Variants in TM4SF20 observed in about 807,000 individuals in gnomAD.
The protein encoded by TM4SF20 is transmembrane 4 L6 family member 20.
A neutral mutation model predicts 15.1 loss-of-function variants in TM4SF20; 13 were observed. The ratio of observed to expected loss-of-function variants is 0.86; its 90% CI spans 0.56 to 1.36. TM4SF20 has a LOEUF of 1.36. Among genes scored for constraint, TM4SF20 ranks in the 40% most tolerant of loss-of-function variants. The pLI, the probability that TM4SF20 is intolerant of heterozygous loss-of-function variation, is 0.00. For missense variants in TM4SF20, 282 were observed against 268.4 expected (o/e 1.05, Z -0.35); for synonymous variants, 92 against 96.6 (o/e 0.95, Z 0.28).
At chr2:227,379,590 T>C (rs1434318871), upstream of TM4SF20, among the ~76,000 whole-genome samples, 2 of 152,214 alleles carry the variant, frequency 1.3e-5, no homozygotes, top group African/African-American at 2.4e-5. Context: ...AACAAAAATA[T>C]CCAGCTAAAC....
At chr2:227,368,668 A>G (rs1196406696) in intron 2 of TM4SF20, among the ~76,000 whole-genome samples, 1 of 152,162 alleles carries the variant, frequency 6.6e-6, no homozygotes, top group South Asian at 2.1e-4. Flanking sequence ...ACCCAGCCAT[A>G]TTATCTTTGA....
chr2:227,377,604 C>A lies in TM4SF20; in HGVS notation c.183+1482G>T, dbSNP rs114085817. Among the ~76,000 whole-genome samples, 757 of 152,256 alleles carry A rather than the reference C, an allele frequency of 5.0e-3. 6 individuals carry two copies. Among genetic ancestry groups the A allele is most frequent in the African/African-American group, 0.017 (716 of 41,540 alleles). On this transcript the variant is annotated intron_variant, in intron 1 of 3. Coordinates refer to ENST00000304568, the MANE Select transcript of TM4SF20 (RefSeq NM_024795.4). Reference sequence around the variant, plus strand: ...CAGAATCAGTGATTCAAGTAGAAAACTATGTCCTGAATTTCTTTAAAAATC... The same window carrying A: ...CAGAATCAGTGATTCAAGTAGAAAAATATGTCCTGAATTTCTTTAAAAATC...
intron 1 of TM4SF20, among the ~76,000 whole-genome samples, chr2:227,377,833 G>A (rs1276489537): frequency 6.6e-6 from 1 of 152,112 alleles, no homozygotes; most frequent in East Asian, 1.9e-4. Context: ...GGTGGAGAGT[G>A]GAGGGTGGGA....
intron 3 of TM4SF20, among the ~76,000 whole-genome samples, chr2:227,364,575 T>C (rs2076381704): frequency 6.6e-6 from 1 of 152,220 alleles, no homozygotes; most frequent in South Asian, 2.1e-4. Context: ...GATTTTTTGT[T>C]TGTTTACTGT....
At chr2:227,370,608 A>G (rs987272310) in intron 2 of TM4SF20, among the ~76,000 whole-genome samples, 4 of 152,070 alleles carry the variant, frequency 2.6e-5, no homozygotes, top group Admixed American at 2.6e-4. Context: ...AAATACAAAA[A>G]TTAGCTGGGC....
At chr2:227,365,835 CA>C (rs2076390015) in intron 3 of TM4SF20, among the ~76,000 whole-genome samples, 1 of 152,046 alleles carries the variant, frequency 6.6e-6, no homozygotes. Context: ...TTTTGAAAGA[CA>C]AGCATAAGCC....
upstream of TM4SF20, among the ~76,000 whole-genome samples, chr2:227,380,461 AG>A (rs201380837): frequency 7.0e-3 from 1,061 of 152,336 alleles, 14 homozygotes; most frequent in African/African-American, 0.025. Context: ...TTCTTGATCC[AG>A]GCTTCCACAG....
chr2:227,374,386 G>A (rs2076436211), intron 1 of TM4SF20, among the ~76,000 whole-genome samples: 1 of 152,106 alleles, frequency 6.6e-6, no homozygotes, highest in Non-Finnish European at 1.5e-5. Context: ...CCCATTCAGA[G>A]CTCCGGAAAT....
At position 227,379,212 on chromosome 2, in the gene TM4SF20, C is replaced by T; in HGVS notation, c.57G>A (p.Leu19=). Residue 19 remains leucine (L), a synonymous_variant, in exon 1 of 4, where the codon CTG becomes CTA. Coordinates refer to ENST00000304568, the MANE Select transcript of TM4SF20 (RefSeq NM_024795.4). ...SCNGFSLLVL[L]LLGVVLNAIP... Reference sequence around the variant, plus strand: ...TCGCATTGAGAACTACTCCTAACAGCAGTAGAACCAGCAGGCTGAATCCAT... The same window carrying T: ...TCGCATTGAGAACTACTCCTAACAGTAGTAGAACCAGCAGGCTGAATCCAT... 1 of 1,614,138 alleles carries T rather than the reference C, an allele frequency of 6.2e-7. No individual in the cohort carries two copies. Among genetic ancestry groups the T allele is most frequent in the African/African-American group, 1.3e-5 (1 of 75,044 alleles).
intron 1 of TM4SF20, among the ~76,000 whole-genome samples, chr2:227,378,853 A>C (rs549551023): frequency 4.6e-4 from 70 of 152,338 alleles, no homozygotes; most frequent in African/African-American, 1.6e-3. Context: ...AACCCAGCCA[A>C]CTTCTACTAA....
intron 2 of TM4SF20, among the ~76,000 whole-genome samples, chr2:227,368,335 T>TTA (rs61382561): frequency 0.028 from 3,484 of 122,656 alleles, 117 homozygotes; most frequent in South Asian, 0.072. Flanking sequence ...CATCTATTAT[T>TTA]TATATATATA....
Position 227,364,161 on chromosome 2 carries a change from T to C in TM4SF20, c.402-149A>G, listed in dbSNP as rs2076378419. 14 of 765,488 alleles carry C rather than the reference T, an allele frequency of 1.8e-5. No individual in the cohort carries two copies. In the South Asian group the frequency reaches 2.3e-4, roughly 13 times the overall value. 47.4% of individuals were successfully genotyped at this position (765,488 alleles called of 1,614,324 possible). ...AGAGATCAGGGTTTCTGAGCATGTGTCCATATACTCTACTAGTTACAAAAC... is the reference window on the plus strand; with the variant it reads ...AGAGATCAGGGTTTCTGAGCATGTGCCCATATACTCTACTAGTTACAAAAC... On this transcript the variant is annotated intron_variant, in intron 3 of 3. Transcript: ENST00000304568.
intron 1 of TM4SF20, among the ~76,000 whole-genome samples, chr2:227,374,157 CTTG>C (rs1395932007): frequency 1.3e-5 from 2 of 148,668 alleles, no homozygotes; most frequent in Non-Finnish European, 3.0e-5. Flanking sequence ...TTCTATTTTC[CTTG>C]TTGATGCAAA....
At chr2:227,380,372 A>G (rs575646005), upstream of TM4SF20, among the ~76,000 whole-genome samples, 49 of 152,280 alleles carry the variant, frequency 3.2e-4, no homozygotes, top group Non-Finnish European at 8.8e-5. Flanking sequence ...ATGCTGACTG[A>G]CCATCCTGAT....
At chr2:227,377,195 A>G (rs1429346424) in intron 1 of TM4SF20, among the ~76,000 whole-genome samples, 2 of 152,194 alleles carry the variant, frequency 1.3e-5, no homozygotes, top group African/African-American at 4.8e-5. Context: ...TTCTAAGTGG[A>G]TTGTCTTAAC....
chr2:227,373,668 C>T (rs921750925), intron 1 of TM4SF20, among the ~76,000 whole-genome samples: 1 of 151,928 alleles, frequency 6.6e-6, no homozygotes, highest in Non-Finnish European at 1.5e-5. Context: ...CGGTGGCTCA[C>T]GTCTGTAATC....
At chr2:227,368,481 G>A (rs1185568837) in intron 2 of TM4SF20, among the ~76,000 whole-genome samples, 1 of 151,288 alleles carries the variant, frequency 6.6e-6, no homozygotes, top group East Asian at 1.9e-4. Flanking sequence ...CTCCCAAGTA[G>A]CTGGGATTAC....
intron 1 of TM4SF20, among the ~76,000 whole-genome samples, chr2:227,372,730 G>C (rs2076427314): frequency 6.6e-6 from 1 of 152,038 alleles, no homozygotes; most frequent in Non-Finnish European, 1.5e-5. Context: ...TTTGAGACAG[G>C]GTCTCACTCT....
At chr2:227,375,231 A>T (rs1451678458) in intron 1 of TM4SF20, among the ~76,000 whole-genome samples, 1 of 151,928 alleles carries the variant, frequency 6.6e-6, no homozygotes, top group Non-Finnish European at 1.5e-5. Context: ...CTGGCCAAAA[A>T]AAAATTTAAG....
Sources: allele counts gnomAD v4.1 joint callset (sites outside exome capture counted in the v4.1 genomes callset), GRCh38; gene constraint gnomAD v4.1.1; transcripts MANE v1.5; gene names NCBI Gene and HGNC (gene_info 2026-07-23, HGNC 2026-07-21).